Variants in SNRK observed in about 807,000 individuals in gnomAD.
SNRK encodes the protein SNF related kinase, also known as SNF-related serine/threonine-protein kinase.
In SNRK, 3 loss-of-function variants were observed where a neutral mutation model predicts 48.2. That is an observed-to-expected ratio of 0.06 (90% CI 0.03 to 0.16). SNRK has a LOEUF of 0.16. Among genes scored for constraint, SNRK ranks in the 10% least tolerant of loss-of-function variants. The pLI, the probability that SNRK is intolerant of heterozygous loss-of-function variation, is 1.00. For missense variants in SNRK, 627 were observed against 976.0 expected (o/e 0.64, Z 4.76); for synonymous variants, 376 against 366.1 (o/e 1.03, Z -0.31).
chr3:43,348,384 G>T lies in SNRK; in HGVS notation c.2125G>T (p.Asp709Tyr). Reference protein sequence around the residue: ...PAVGGIKFFSDHMADTTTELE... With the variant: ...PAVGGIKFFSYHMADTTTELE... ...AGTGGGCGGCATAAAGTTTTTCTCTGACCACATGGCAGATACCACCACTGA... is the reference window on the plus strand; with the variant it reads ...AGTGGGCGGCATAAAGTTTTTCTCTTACCACATGGCAGATACCACCACTGA... Residue 709 changes from aspartate (D) to tyrosine (Y), a missense_variant, in exon 7 of 7, where the codon GAC becomes TAC. Coordinates refer to ENST00000296088, the MANE Select transcript of SNRK (RefSeq NM_017719.5). 1 of 1,608,860 alleles carries T rather than the reference G, an allele frequency of 6.2e-7. No homozygotes were observed. The highest frequency in any genetic ancestry group is 1.1e-5 in the South Asian group (1 of 90,268).
intron 4 of SNRK, among the ~76,000 whole-genome samples, chr3:43,339,861 A>ATATATG (rs2091221290): frequency 3.1e-5 from 2 of 64,512 alleles, no homozygotes; most frequent in Middle Eastern, 8.2e-3. Context: ...ATATATATAT[A>ATATATG]TATATATATA....
intron 4 of SNRK, among the ~76,000 whole-genome samples, chr3:43,336,259 C>T (rs1429722820): frequency 6.7e-6 from 1 of 149,820 alleles, no homozygotes; most frequent in Non-Finnish European, 1.5e-5. Context: ...TCCTCCCCTC[C>T]TTACCCTCCC....
In SNRK at chr3:43,346,337, T is replaced by G. The variant is rs2091275574; in HGVS notation, c.1080-1002T>G. ...CACATACAGTGGCCACTGGTAAAAT[T>G]TTGTTCCTGCTTTATTATTATAACT... On this transcript the variant is annotated intron_variant, in intron 6 of 6. Coordinates refer to ENST00000296088, the MANE Select transcript of SNRK (RefSeq NM_017719.5). Among the ~76,000 whole-genome samples the G allele has an allele frequency of 3.9e-5, 6 of 152,250 alleles. No individual in the cohort carries two copies. In the South Asian group the frequency reaches 1.0e-3, roughly 26 times the overall value.
chr3:43,330,234 C>T (rs2091135861), intron 3 of SNRK, among the ~76,000 whole-genome samples: 1 of 152,150 alleles, frequency 6.6e-6, no homozygotes, highest in Admixed American at 6.5e-5. Flanking sequence ...TTTTCATTGT[C>T]AGCCATTTAA....
At chr3:43,338,376 T>C (rs1252786852) in intron 4 of SNRK, among the ~76,000 whole-genome samples, 10 of 152,272 alleles carry the variant, frequency 6.6e-5, no homozygotes, top group Admixed American at 6.5e-4. Context: ...TGACAGTTAT[T>C]TTCTCTCAGC....
intron 1 of SNRK, among the ~76,000 whole-genome samples, chr3:43,296,121 AT>A (rs2090851210): frequency 6.6e-6 from 1 of 152,078 alleles, no homozygotes; most frequent in Non-Finnish European, 1.5e-5. Flanking sequence ...CTTAAAGGTT[AT>A]TCCTGGAAGA....
intron 3 of SNRK, among the ~76,000 whole-genome samples, chr3:43,320,123 G>A (rs2125631514): frequency 6.6e-6 from 1 of 152,182 alleles, no homozygotes; most frequent in African/African-American, 2.4e-5. Context: ...ATTCATTGCT[G>A]TTTTATATAC....
intron 5 of SNRK, 87 bp downstream of exon 5, chr3:43,340,586 T>C: frequency 8.7e-7 from 1 of 1,152,754 alleles, no homozygotes; most frequent in South Asian, 1.4e-5. Flanking sequence ...TTTGGACACC[T>C]GTGTAATAGA....
chr3:43,347,373 G>C lies in SNRK; in HGVS notation c.1114G>C (p.Asp372His). Reference sequence around the variant, plus strand: ...GCCAACCAAAATTGATGTACCCCAGGACCTTGAGGATGACCTCACGGCCAC... The same window carrying C: ...GCCAACCAAAATTGATGTACCCCAGCACCTTGAGGATGACCTCACGGCCAC... ...SWPTKIDVPQ[D>H]LEDDLTATPL... is the part of the protein sequence containing the mutation. The change falls in exon 7 of 7, where the codon GAC becomes CAC. Residue 372 changes from aspartate (D) to histidine (H), a missense_variant. Physicochemically the swap from Asp to His is moderately conservative, Grantham distance 81 (BLOSUM62 -1). This residue lies in a region of SNRK where 175 missense variants were observed against 209.7 expected (regional missense o/e 0.83). Coordinates refer to ENST00000296088, the MANE Select transcript of SNRK (RefSeq NM_017719.5). This position sits in a 1 kb window ranked among gnomAD's most constrained non-coding sequence, Gnocchi z 5.4. 6.3e-7 allele frequency: 1 copy of C among 1,598,036 alleles called. No homozygotes were observed. Among genetic ancestry groups the C allele is most frequent in the Non-Finnish European group, 8.5e-7 (1 of 1,172,110 alleles).
At chr3:43,293,143 C>T (rs2125612561) in intron 1 of SNRK, among the ~76,000 whole-genome samples, 1 of 152,082 alleles carries the variant, frequency 6.6e-6, no homozygotes, top group Middle Eastern at 3.4e-3. Context: ...CTTGCTTTGT[C>T]TCCCAGGATG....
intron 2 of SNRK, among the ~76,000 whole-genome samples, chr3:43,302,837 C>T (rs189204451): frequency 6.6e-6 from 1 of 152,082 alleles, no homozygotes; most frequent in Non-Finnish European, 1.5e-5. Context: ...TTTCTTATTA[C>T]TCACATCACC....
intron 3 of SNRK, among the ~76,000 whole-genome samples, chr3:43,311,414 C>T (rs1355021558): frequency 1.3e-5 from 2 of 152,082 alleles, no homozygotes; most frequent in South Asian, 2.1e-4. Flanking sequence ...CTGTTTCTGT[C>T]GTATCTAGGG....
chr3:43,315,247 C>G (rs2091005954), intron 3 of SNRK: 1 of 151,940 alleles, frequency 6.6e-6, no homozygotes, highest in Non-Finnish European at 1.5e-5. Flanking sequence ...GTAGTGAGGC[C>G]CCATCTCTTA....
chr3:43,346,634 G>C (rs1049839046), intron 6 of SNRK, among the ~76,000 whole-genome samples: 3 of 152,188 alleles, frequency 2.0e-5, no homozygotes, highest in Admixed American at 1.3e-4. Flanking sequence ...CCAGCTATTC[G>C]AGAGGCTGAA....
chr3:43,340,136 A>C, intron 4 of SNRK, 151 bp from the exon 5 acceptor site: 1 of 667,772 alleles, frequency 1.5e-6, no homozygotes, highest in South Asian at 1.8e-5. Context: ...AGTGGCACTA[A>C]ATTTTTATTA....
intron 5 of SNRK, 62 bp from the exon 6 acceptor site, chr3:43,343,282 C>A: frequency 6.6e-7 from 1 of 1,509,252 alleles, no homozygotes; most frequent in Admixed American, 2.4e-5. Flanking sequence ...AAAATCAATT[C>A]TGCTTCTTGT....
chr3:43,316,499 T>C (rs1390960279), intron 3 of SNRK, among the ~76,000 whole-genome samples: 1 of 152,206 alleles, frequency 6.6e-6, no homozygotes, highest in East Asian at 1.9e-4. Flanking sequence ...ATCAAATATT[T>C]TTAGACATTA....
intron 4 of SNRK, among the ~76,000 whole-genome samples, chr3:43,337,452 ACC>A (rs2091200282): frequency 6.6e-6 from 1 of 151,690 alleles, no homozygotes; most frequent in South Asian, 2.1e-4. Flanking sequence ...GAATGGTCTC[ACC>A]CTGTCACCCA....
Position 43,349,408 on chromosome 3 carries a change from A to G in SNRK, c.*851A>G, listed in dbSNP as rs1488732816. The stretch of plus-strand genomic sequence containing the variant: ...GGCACACTGCAGGATTTCCATGTAG[A>G]TAGAAGAACTATAGGGCCTAGTACA... On this transcript the variant is annotated 3_prime_UTR_variant, in exon 7 of 7. Transcript: ENST00000296088. 3.3e-5 allele frequency: 5 copies of G among 152,610 alleles called. No individual in the cohort carries two copies. The highest frequency in any genetic ancestry group is 5.9e-5 in the Non-Finnish European group (4 of 68,038). 9.5% of individuals were successfully genotyped at this position (152,610 alleles called of 1,614,324 possible).
Sources: allele counts gnomAD v4.1 joint callset (sites outside exome capture counted in the v4.1 genomes callset), GRCh38; gene constraint gnomAD v4.1.1; regional missense constraint gnomAD v4.1.1; non-coding constraint Gnocchi (gnomAD v3.1); transcripts MANE v1.5; gene names NCBI Gene and HGNC (gene_info 2026-07-23, HGNC 2026-07-21).